Variants in IL1RAPL2 observed in about 807,000 individuals in gnomAD.
IL1RAPL2 encodes X-linked interleukin-1 receptor accessory protein-like 2.
A neutral mutation model predicts 44.1 loss-of-function variants in IL1RAPL2; 3 were observed. The observed-to-expected ratio is 0.07, with a 90% CI of 0.03 to 0.18. IL1RAPL2 has a LOEUF of 0.18. Ranked by LOEUF, IL1RAPL2 falls within the 10% of genes least tolerant of loss-of-function variation. IL1RAPL2 has a pLI of 1.00. For synonymous variants in IL1RAPL2, 181 were observed against 178.8 expected, an observed-to-expected ratio of 1.01 and a Z score of -0.10; for missense variants, 391 against 496.4, an observed-to-expected ratio of 0.79 and a Z score of 2.02.
chrX:104,945,971 AT>A (rs1208000038), intron 2 of IL1RAPL2, among the ~76,000 whole-genome samples: 1 of 110,591 alleles, frequency 9.0e-6, no homozygotes, highest in Non-Finnish European at 1.9e-5. Flanking sequence ...AAGTAGTCCC[AT>A]TTTTAAAGAA....
At chrX:105,063,227 A>G (rs2032096799) in intron 2 of IL1RAPL2, among the ~76,000 whole-genome samples, 1 of 112,160 alleles carries the variant, frequency 8.9e-6, no homozygotes, top group African/African-American at 3.2e-5. Context: ...AAAAGAATGC[A>G]TCAAAATTCA....
chrX:104,907,362 T>C (rs1205359463), intron 2 of IL1RAPL2, among the ~76,000 whole-genome samples: 1 of 111,183 alleles, frequency 9.0e-6, no homozygotes, highest in Non-Finnish European at 1.9e-5. Flanking sequence ...ATGTGTTTGC[T>C]CTTGCTTTTC....
At chrX:104,761,961 T>C (rs1327473440) in intron 2 of IL1RAPL2, among the ~76,000 whole-genome samples, 9 of 89,537 alleles carry the variant, frequency 1.0e-4, no homozygotes, top group African/African-American at 3.1e-4. Context: ...CTTCTTCTTC[T>C]TCTTCTTCTT....
chrX:105,561,010 T>G (rs2036932547), intron 6 of IL1RAPL2, among the ~76,000 whole-genome samples: 1 of 111,684 alleles, frequency 9.0e-6, no homozygotes, highest in African/African-American at 3.2e-5. Context: ...TATTACGTTA[T>G]GAAAGTTAGT....
At chrX:105,466,957 A>G (rs1310255484) in intron 5 of IL1RAPL2, among the ~76,000 whole-genome samples, 1 of 110,877 alleles carries the variant, frequency 9.0e-6, no homozygotes, top group African/African-American at 3.3e-5. Context: ...TAACAGACCC[A>G]CTATCACGAT....
At chrX:105,051,358 C>T (rs1176249406) in intron 2 of IL1RAPL2, among the ~76,000 whole-genome samples, 8 of 112,741 alleles carry the variant, frequency 7.1e-5, no homozygotes, top group South Asian at 3.7e-4. Context: ...GGAGGGCAGC[C>T]GCAGCTGCAC....
intron 6 of IL1RAPL2, among the ~76,000 whole-genome samples, chrX:105,640,783 GAT>G (rs1312204650): frequency 3.9e-4 from 38 of 96,689 alleles, no homozygotes; most frequent in Non-Finnish European, 5.3e-4. Flanking sequence ...TATAGATATA[GAT>G]ATAGATATAG....
intron 2 of IL1RAPL2, among the ~76,000 whole-genome samples, chrX:105,026,898 G>A (rs1408060098): frequency 1.8e-5 from 2 of 110,318 alleles, no homozygotes; most frequent in Non-Finnish European, 3.8e-5. Context: ...TCTAATGGAA[G>A]AATCACATTA....
At chrX:104,998,554 G>A (rs148645327) in intron 2 of IL1RAPL2, among the ~76,000 whole-genome samples, 2 of 110,855 alleles carry the variant, frequency 1.8e-5, no homozygotes, top group African/African-American at 3.3e-5. Context: ...TGGGAGGGTC[G>A]CTTGTGCCCA....
chrX:104,975,479 A>G (rs1053208460), intron 2 of IL1RAPL2, among the ~76,000 whole-genome samples: 2 of 112,501 alleles, frequency 1.8e-5, no homozygotes, highest in Non-Finnish European at 3.7e-5. Flanking sequence ...TGACCTATAC[A>G]AGACAACTGG....
chrX:105,226,040 T>C lies in IL1RAPL2; in HGVS notation c.357-7778T>C, dbSNP rs927979004. On this transcript the variant is annotated intron_variant, in intron 3 of 10. Coordinates refer to ENST00000372582, the MANE Select transcript of IL1RAPL2 (RefSeq NM_017416.2). ...CTAGAGCAAAAGGCAGGTTTGCTTA[T>C]AGCCTTGGAAAATACAGTTAGTATC... 1.1e-4 allele frequency among the ~76,000 whole-genome samples: 12 copies of C among 111,875 alleles called. No individual in the cohort carries two copies. The Admixed American group carries it at 1.1e-3, about 11-fold the overall frequency.
chrX:105,240,804 C>A (rs1393317882), intron 4 of IL1RAPL2, among the ~76,000 whole-genome samples: 1 of 112,016 alleles, frequency 8.9e-6, no homozygotes, highest in Non-Finnish European at 1.9e-5. Context: ...TAATGAAATT[C>A]ATTAAAATAT....
chrX:104,945,687 G>A (rs755675958), intron 2 of IL1RAPL2, among the ~76,000 whole-genome samples: 4 of 111,829 alleles, frequency 3.6e-5, no homozygotes, highest in Admixed American at 9.5e-5. Flanking sequence ...TAGTGTATAC[G>A]AATAATATAA....
chrX:104,974,011 C>CT (rs1208224604), intron 2 of IL1RAPL2, among the ~76,000 whole-genome samples: 4 of 111,588 alleles, frequency 3.6e-5, no homozygotes, highest in East Asian at 2.8e-4. Context: ...AAAAATTATT[C>CT]TTTTTTTCCA....
chrX:104,601,105 AT>A (rs1430444652), intron 1 of IL1RAPL2, among the ~76,000 whole-genome samples: 2 of 111,961 alleles, frequency 1.8e-5, no homozygotes, highest in African/African-American at 3.2e-5. Context: ...ATATTTAGAT[AT>A]GATATGCAAA....
At chrX:105,424,731 C>G (rs975444589) in intron 5 of IL1RAPL2, among the ~76,000 whole-genome samples, 1 of 107,391 alleles carries the variant, frequency 9.3e-6, no homozygotes, top group Non-Finnish European at 1.9e-5. Flanking sequence ...GCCTGGGTGA[C>G]AAGAGTGAAA....
At chrX:105,056,274 T>C (rs889936484) in intron 2 of IL1RAPL2, among the ~76,000 whole-genome samples, 3 of 111,942 alleles carry the variant, frequency 2.7e-5, no homozygotes, top group African/African-American at 9.7e-5. Flanking sequence ...AGAACATCAA[T>C]AATCGGACAG....
At position 105,148,274 on chromosome X, in the gene IL1RAPL2, A is replaced by G. The variant is rs779412385; in HGVS notation, c.83-47201A>G. ...CTCCATGCTGTGACACATATTCTAT[A>G]TTCTCAGGAGCCTGTGCATATTACA... On this transcript the variant is annotated intron_variant, in intron 2 of 10. Coordinates refer to ENST00000372582, the MANE Select transcript of IL1RAPL2 (RefSeq NM_017416.2). Among the ~76,000 whole-genome samples, 9 of 111,510 alleles carry G rather than the reference A, an allele frequency of 8.1e-5. No homozygotes were observed. In the East Asian group the frequency reaches 2.0e-3, roughly 25 times the overall value.
intron 2 of IL1RAPL2, among the ~76,000 whole-genome samples, chrX:104,717,353 T>A (rs1454339275): frequency 9.3e-6 from 1 of 107,484 alleles, no homozygotes; most frequent in East Asian, 3.0e-4. Flanking sequence ...ATAATCTGTA[T>A]AGCAAACCCT....
Sources: gnomAD v4.1 joint callset for allele counts (sites outside exome capture counted in the v4.1 genomes callset) on GRCh38, gnomAD v4.1.1 for gene constraint, MANE v1.5 for transcripts, NCBI Gene and HGNC (gene_info 2026-07-23, HGNC 2026-07-21) for gene names.